Variants in GRIP1 observed in about 807,000 individuals in gnomAD.
The protein encoded by GRIP1 is glutamate receptor-interacting protein 1.
Under a neutral mutation model 129.9 loss-of-function variants are expected in GRIP1, and 45 were observed. The ratio of observed to expected loss-of-function variants is 0.35; its 90% CI spans 0.27 to 0.44. The LOEUF (loss-of-function observed/expected upper bound fraction) is 0.44, where lower values mean the gene tolerates loss of function less well. Ranked by LOEUF, GRIP1 falls within the 20% of genes least tolerant of loss-of-function variation. GRIP1 has a pLI of 1.00. For missense variants in GRIP1, 1,196 were observed against 1,396.8 expected (o/e 0.86, Z 2.29); for synonymous variants, 530 against 520.8 (o/e 1.02, Z -0.24).
intron 9 of GRIP1, among the ~76,000 whole-genome samples, chr12:66,457,663 C>T (rs116230427): frequency 1.6e-4 from 25 of 152,248 alleles, no homozygotes; most frequent in African/African-American, 6.0e-4. Flanking sequence ...AAAGGACAGT[C>T]GTTTAGATAA....
intron 1 of GRIP1, among the ~76,000 whole-genome samples, chr12:67,017,249 T>TTA (rs2042801554): frequency 6.6e-6 from 1 of 151,882 alleles, no homozygotes; most frequent in Non-Finnish European, 1.5e-5. Context: ...TCATGAATAG[T>TTA]TATCATAAGT....
At chr12:66,410,249 C>CAAAAAAAA (rs1177155122) in intron 15 of GRIP1, among the ~76,000 whole-genome samples, 20 of 47,426 alleles carry the variant, frequency 4.2e-4, no homozygotes, top group Admixed American at 1.5e-3. Context: ...GACTCCGTCT[C>CAAAAAAAA]AAAAAAAAAA....
At chr12:66,840,393 A>C (rs2039693535) in intron 1 of GRIP1, among the ~76,000 whole-genome samples, 1 of 152,136 alleles carries the variant, frequency 6.6e-6, no homozygotes, top group Non-Finnish European at 1.5e-5. Flanking sequence ...ACATTTTTCT[A>C]ATGTTAATCT....
At chr12:66,913,862 C>A (rs895098054) in intron 1 of GRIP1, among the ~76,000 whole-genome samples, 1 of 152,060 alleles carries the variant, frequency 6.6e-6, no homozygotes, top group Non-Finnish European at 1.5e-5. Context: ...TAAAAATAGT[C>A]TGTTAGTAGA....
At chr12:66,645,185 A>G (rs2032258721) in intron 1 of GRIP1, among the ~76,000 whole-genome samples, 1 of 152,192 alleles carries the variant, frequency 6.6e-6, no homozygotes, top group South Asian at 2.1e-4. Flanking sequence ...TGCCATCTGC[A>G]TAGTATAGAG....
In GRIP1 at chr12:66,992,073, T is replaced by C. The variant is rs575204832; in HGVS notation, c.58+76977A>G. Among the ~76,000 whole-genome samples, 5 of 152,322 alleles carry C rather than the reference T, an allele frequency of 3.3e-5. No individual in the cohort carries two copies. In the South Asian group the frequency reaches 1.0e-3, roughly 32 times the overall value. ...TCTGGGTATGTTTCCTTAATAGGCA[T>C]AGATTGCACTCTGTTGAATCTCGAA... On this transcript the variant is annotated intron_variant, in intron 1 of 1. Transcript: ENST00000643019.
chr12:66,771,722 T>A (rs1329569330), intron 1 of GRIP1, among the ~76,000 whole-genome samples: 1 of 152,198 alleles, frequency 6.6e-6, no homozygotes. Context: ...TCTCCTGCTG[T>A]TGGTTTAGAA....
intron 1 of GRIP1, among the ~76,000 whole-genome samples, chr12:66,718,330 G>A (rs2136433162): frequency 6.6e-6 from 1 of 152,100 alleles, no homozygotes; most frequent in South Asian, 2.1e-4. Context: ...TTTACAGGCA[G>A]AAAAAGAGAG....
chr12:66,564,200 A>G (rs2062649397), intron 2 of GRIP1: 1 of 151,998 alleles, frequency 6.6e-6, no homozygotes, highest in South Asian at 2.1e-4. Flanking sequence ...ATATGTATAC[A>G]TGTGCCATGC....
At chr12:66,734,667 A>G (rs1045161329) in intron 1 of GRIP1, among the ~76,000 whole-genome samples, 2 of 152,176 alleles carry the variant, frequency 1.3e-5, no homozygotes, top group Non-Finnish European at 2.9e-5. Context: ...TTAAAAAGGG[A>G]AAGAATTAGA....
chr12:66,582,907 T>G (rs1450353214), intron 2 of GRIP1, among the ~76,000 whole-genome samples: 1 of 148,602 alleles, frequency 6.7e-6, no homozygotes. Context: ...AAAAAACTAC[T>G]TTAAAGTTCA....
At chr12:66,519,859 T>C (rs1180697517) in intron 5 of GRIP1, among the ~76,000 whole-genome samples, 1 of 152,242 alleles carries the variant, frequency 6.6e-6, no homozygotes, top group Non-Finnish European at 1.5e-5. Flanking sequence ...GGTTTCCTTG[T>C]CTAAAGTGTA....
intron 1 of GRIP1, among the ~76,000 whole-genome samples, chr12:66,715,268 C>G (rs1191097322): frequency 6.6e-6 from 1 of 151,986 alleles, no homozygotes; most frequent in East Asian, 1.9e-4. Context: ...ACAGTACTTG[C>G]TATACTACTT....
intron 19 of GRIP1, among the ~76,000 whole-genome samples, chr12:66,391,837 T>A (rs189209344): frequency 6.6e-6 from 1 of 151,744 alleles, no homozygotes; most frequent in Admixed American, 6.6e-5. Flanking sequence ...GGTGACAGAG[T>A]GAGACCCAGT....
intron 2 of GRIP1, among the ~76,000 whole-genome samples, chr12:66,552,703 G>A (rs2062182769): frequency 6.6e-6 from 1 of 152,176 alleles, no homozygotes; most frequent in African/African-American, 2.4e-5. Context: ...CTAGCCTCAA[G>A]CAGACTCCAA....
chr12:66,928,946 C>T (rs1442677636), intron 1 of GRIP1, among the ~76,000 whole-genome samples: 1 of 152,140 alleles, frequency 6.6e-6, no homozygotes, highest in Non-Finnish European at 1.5e-5. Context: ...TGCAAGTGTA[C>T]ATCTCCAGAC....
intron 15 of GRIP1, among the ~76,000 whole-genome samples, chr12:66,412,832 A>C (rs1456859010): frequency 6.6e-6 from 1 of 152,196 alleles, no homozygotes; most frequent in Non-Finnish European, 1.5e-5. Context: ...CAGAGCCTGC[A>C]CTCCTAATTT....
At chr12:66,373,334 C>A (rs1437589428) in intron 22 of GRIP1, among the ~76,000 whole-genome samples, 3 of 152,130 alleles carry the variant, frequency 2.0e-5, no homozygotes, top group Non-Finnish European at 4.4e-5. Context: ...AGTGACCCAC[C>A]CCACTTAGCC....
chr12:66,588,316 T>G (rs1019038572), intron 2 of GRIP1, among the ~76,000 whole-genome samples: 7 of 152,154 alleles, frequency 4.6e-5, no homozygotes, highest in Non-Finnish European at 1.0e-4. Flanking sequence ...ACTCAGTTAC[T>G]TAGAGAGATA....
Sources: gnomAD v4.1 joint callset for allele counts (sites outside exome capture counted in the v4.1 genomes callset) on GRCh38, gnomAD v4.1.1 for gene constraint, MANE v1.5 for transcripts, NCBI Gene and HGNC (gene_info 2026-07-23, HGNC 2026-07-21) for gene names.